The following ELP4 variants were observed in gnomAD, a reference collection of about 807,000 sequenced individuals.
ELP4 encodes elongator acetyltransferase complex subunit 4.
Under a neutral mutation model 48.9 loss-of-function variants are expected in ELP4, and 51 were observed. That is an observed-to-expected ratio of 1.04 (90% CI 0.83 to 1.32). ELP4 has a LOEUF of 1.32. ELP4 is among the 40% of genes most tolerant of loss of function. The probability of loss-of-function intolerance (pLI) is 0.00; values close to 1 mark genes in which losing one functional copy is unlikely to be tolerated. For synonymous variants in ELP4, 210 were observed against 189.2 expected (o/e 1.11, Z -0.90); for missense variants, 519 against 514.6 (o/e 1.01, Z -0.08).
At chr11:31,641,819 G>T (rs576079614) in intron 7 of ELP4, among the ~76,000 whole-genome samples, 2 of 151,948 alleles carry the variant, frequency 1.3e-5, no homozygotes, top group South Asian at 4.1e-4. Flanking sequence ...ATTCTAAGCT[G>T]ATTTTAAACT....
At chr11:31,640,370 T>G (rs1017171024) in intron 7 of ELP4, among the ~76,000 whole-genome samples, 1 of 151,948 alleles carries the variant, frequency 6.6e-6, no homozygotes, top group Non-Finnish European at 1.5e-5. Flanking sequence ...GTACTTTCCC[T>G]TAAAGAAAGA....
At chr11:31,647,913 C>A in intron 8 of ELP4, 64 bp downstream of exon 8, 1 of 855,590 alleles carries the variant, frequency 1.2e-6, no homozygotes, top group Non-Finnish European at 2.0e-6. Context: ...CTGGAAGCAT[C>A]CTATTCAATC....
At chr11:31,648,438 A>G (rs1170994008) in intron 8 of ELP4, 1 of 151,102 alleles carries the variant, frequency 6.6e-6, no homozygotes, top group African/African-American at 2.4e-5. Context: ...TTTTAGTAAT[A>G]TTGTAGTCAT....
chr11:31,666,766 G>A (rs79493006), intron 9 of ELP4, among the ~76,000 whole-genome samples: 4,299 of 140,046 alleles, frequency 0.031, 204 homozygotes, highest in African/African-American at 0.1. Context: ...GTAAAGTCTA[G>A]AGAAAAGTGG....
rs923530241 is a variant in ELP4 at position 31,682,744 on chromosome 11, A to G, written c.1143+32523A>G. Among the ~76,000 whole-genome samples, 2 of 152,352 alleles carry G rather than the reference A, an allele frequency of 1.3e-5. 1 individual carries two copies. On this transcript the variant is annotated intron_variant, in intron 9 of 9. Transcript: ENST00000640961. ...ACAACTATAATAGAAATTGACTGAT[A>G]CAAAAATAGAGTTAGGTATGAAAAT...
At chr11:31,705,276 G>A (rs1946606656) in intron 9 of ELP4, among the ~76,000 whole-genome samples, 1 of 152,022 alleles carries the variant, frequency 6.6e-6, no homozygotes. Context: ...GTCAGCTCAG[G>A]TCTCTCTTCC....
intron 3 of ELP4, among the ~76,000 whole-genome samples, chr11:31,580,961 A>G (rs1161083180): frequency 2.0e-5 from 3 of 152,178 alleles, no homozygotes; most frequent in Non-Finnish European, 2.9e-5. Flanking sequence ...GTACATGATG[A>G]CAATTTCTTA....
Position 31,654,505 on chromosome 11 carries a change from C to G in ELP4, c.1143+4284C>G, listed in dbSNP as rs552451721. 11 of 151,660 alleles carry G rather than the reference C, an allele frequency of 7.3e-5. No individual in the cohort carries two copies. The South Asian group carries it at 2.3e-3, about 32-fold the overall frequency. The allele number at this position is 151,660 out of a possible 1,614,324, so 9.4% of individuals were successfully genotyped here. On this transcript the variant is annotated intron_variant, in intron 9 of 9. Coordinates refer to ENST00000640961, the MANE Select transcript of ELP4 (RefSeq NM_019040.5). ...TTAAGTAGCTATTATTTTTTATGTA[C>G]TCATGTAATAGATTTATTCTCAAGT...
At chr11:31,719,367 G>A (rs895112680) in intron 9 of ELP4, 1 of 394,804 alleles carries the variant, frequency 2.5e-6, no homozygotes, top group Non-Finnish European at 4.5e-6. Flanking sequence ...AGTTTTTGTG[G>A]AATGGTTATA....
intron 7 of ELP4, among the ~76,000 whole-genome samples, chr11:31,640,680 C>T (rs1205338541): frequency 6.6e-6 from 1 of 151,872 alleles, no homozygotes; most frequent in Non-Finnish European, 1.5e-5. Flanking sequence ...AGCTCTTAGC[C>T]ACAAAATGTA....
At chr11:31,677,569 T>C (rs901691916) in intron 9 of ELP4, among the ~76,000 whole-genome samples, 24 of 152,224 alleles carry the variant, frequency 1.6e-4, no homozygotes, top group African/African-American at 5.8e-4. Flanking sequence ...TAGAAAATAC[T>C]CCAAGTTTTT....
At chr11:31,612,745 CTG>C (rs918451544) in intron 5 of ELP4, among the ~76,000 whole-genome samples, 53 of 152,114 alleles carry the variant, frequency 3.5e-4, no homozygotes, top group African/African-American at 1.3e-3. Context: ...TGAATTAGGA[CTG>C]TAAGCCAGGT....
At chr11:31,573,863 A>G (rs1957225392) in intron 3 of ELP4, among the ~76,000 whole-genome samples, 2 of 144,126 alleles carry the variant, frequency 1.4e-5, no homozygotes, top group African/African-American at 5.3e-5. Context: ...GGAGGACACA[A>G]ACATTGACTA....
In ELP4 at chr11:31,774,713, C is replaced by G. The variant is rs73477638; in HGVS notation, c.1144-8680C>G. 8.0e-3 allele frequency among the ~76,000 whole-genome samples: 1,212 copies of G among 152,308 alleles called. 14 individuals are homozygous for G. The highest frequency in any genetic ancestry group is 0.028 in the African/African-American group (1,171 of 41,550). On this transcript the variant is annotated intron_variant, in intron 9 of 9. Coordinates refer to ENST00000640961, the MANE Select transcript of ELP4 (RefSeq NM_019040.5). ...CAGCTTTCTACTTTGCAATACTTGA[C>G]CTCACTGCCTATCTTCAAGCCACTA... is the stretch of plus-strand genomic sequence containing the variant.
At chr11:31,583,527 CAGAGTTCAA>C (rs1160974805) in intron 3 of ELP4, among the ~76,000 whole-genome samples, 1 of 152,048 alleles carries the variant, frequency 6.6e-6, no homozygotes, top group Non-Finnish European at 1.5e-5. Flanking sequence ...CCTTGAACCC[CAGAGTTCAA>C]AGATGTGGTG....
At chr11:31,713,486 G>A (rs1030578570) in intron 9 of ELP4, among the ~76,000 whole-genome samples, 1 of 152,080 alleles carries the variant, frequency 6.6e-6, no homozygotes, top group African/African-American at 2.4e-5. Flanking sequence ...TAAATTATTT[G>A]TGCTTCTCTT....
At chr11:31,719,426 T>A (rs1002696896) in intron 9 of ELP4, 4 of 397,800 alleles carry the variant, frequency 1.0e-5, no homozygotes, top group African/African-American at 6.2e-5. Flanking sequence ...TTGAGGTTTA[T>A]AATTATGTTT....
chr11:31,689,762 G>A (rs183123253), intron 9 of ELP4, among the ~76,000 whole-genome samples: 8 of 152,302 alleles, frequency 5.3e-5, no homozygotes, highest in Non-Finnish European at 8.8e-5. Context: ...CTTATTGGAT[G>A]TGTGAGCTCA....
intron 1 of ELP4, among the ~76,000 whole-genome samples, chr11:31,514,038 AG>A (rs1435317224): frequency 1.3e-5 from 2 of 152,218 alleles, no homozygotes; most frequent in Non-Finnish European, 2.9e-5. Flanking sequence ...TAATTATTGA[AG>A]AGTAGTCATG....
Sources: allele counts gnomAD v4.1 joint callset (sites outside exome capture counted in the v4.1 genomes callset), GRCh38; gene constraint gnomAD v4.1.1; transcripts MANE v1.5; gene names NCBI Gene and HGNC (gene_info 2026-07-23, HGNC 2026-07-21).